ENOX1: variants seen among roughly 807,000 people sequenced by gnomAD.
ENOX1 encodes the protein ecto-NOX disulfide-thiol exchanger 1, also known as candidate growth-related and time keeping constitutive hydroquinone (NADH) oxidase.
In ENOX1, 42 loss-of-function variants were observed where a neutral mutation model predicts 82.5. That is an observed-to-expected ratio of 0.51 (90% CI 0.40 to 0.66). ENOX1 has a LOEUF of 0.66. ENOX1 is among the 30% of genes least tolerant of loss of function. ENOX1 has a pLI of 0.00. For synonymous variants in ENOX1, 271 were observed against 282.2 expected, an observed-to-expected ratio of 0.96 and a Z score of 0.40; for missense variants, 608 against 811.6, an observed-to-expected ratio of 0.75 and a Z score of 3.05.
In ENOX1 at chr13:43,511,925, A is replaced by G. The variant is rs115002934; in HGVS notation, c.-218-27773T>C. On this transcript the variant is annotated intron_variant, in intron 2 of 16. Transcript: ENST00000690772. Reference sequence around the variant, plus strand: ...AAGGCTGAGAAGTGCGTATGTGTGTATACTTATGTATATTATGTATATACA... The same window carrying G: ...AAGGCTGAGAAGTGCGTATGTGTGTGTACTTATGTATATTATGTATATACA... Among the ~76,000 whole-genome samples, 433 of 152,236 alleles carry G rather than the reference A, an allele frequency of 2.8e-3. 1 individual carries two copies. Among genetic ancestry groups the G allele is most frequent in the African/African-American group, 0.01 (418 of 41,562 alleles).
At chr13:43,420,635 C>T (rs940693693) in intron 3 of ENOX1, among the ~76,000 whole-genome samples, 4 of 152,066 alleles carry the variant, frequency 2.6e-5, no homozygotes, top group African/African-American at 9.7e-5. Context: ...TTGGTGCCCA[C>T]CCATGAAGAA....
chr13:43,406,739 T>A (rs2053824466), intron 5 of ENOX1, among the ~76,000 whole-genome samples: 1 of 152,064 alleles, frequency 6.6e-6, no homozygotes, highest in South Asian at 2.1e-4. Context: ...TTGATCCGCC[T>A]GCCTCAGCCT....
chr13:43,394,719 G>A (rs1053701573), intron 5 of ENOX1: 3 of 153,724 alleles, frequency 2.0e-5, no homozygotes, highest in African/African-American at 7.2e-5. Context: ...GGTCTCCAAA[G>A]ACAAACAGGC....
intron 5 of ENOX1, among the ~76,000 whole-genome samples, chr13:43,380,336 GTATTCTGGGTTTATGATA>G (rs1404062191): frequency 1.3e-5 from 2 of 151,574 alleles, no homozygotes; most frequent in Non-Finnish European, 3.0e-5. Context: ...TACTCACAAT[GTATTCTGGGTTTATGATA>G]TATATAGAAG....
chr13:43,287,747 C>T (rs1013039888), intron 12 of ENOX1, among the ~76,000 whole-genome samples: 1 of 152,166 alleles, frequency 6.6e-6, no homozygotes, highest in Non-Finnish European at 1.5e-5. Flanking sequence ...CATTTTTAGT[C>T]TTTGTATCTT....
intron 1 of ENOX1, among the ~76,000 whole-genome samples, chr13:43,679,406 G>GT (rs916230846): frequency 7.2e-5 from 11 of 152,084 alleles, no homozygotes; most frequent in African/African-American, 2.7e-4. Flanking sequence ...ACACACACAC[G>GT]TTTTGGTAAA....
chr13:43,274,883 T>G (rs926920321), intron 12 of ENOX1, among the ~76,000 whole-genome samples: 2 of 152,212 alleles, frequency 1.3e-5, no homozygotes, highest in Non-Finnish European at 2.9e-5. Context: ...TAATGGGTCT[T>G]TCTTTCTGAC....
chr13:43,703,862 A>G (rs116029978), intron 1 of ENOX1, among the ~76,000 whole-genome samples: 1 of 151,912 alleles, frequency 6.6e-6, no homozygotes, highest in Non-Finnish European at 1.5e-5. Context: ...TTATATATAT[A>G]TTTTTTTAAA....
chr13:43,355,879 T>C (rs1466186415), intron 8 of ENOX1, 40 bp downstream of exon 8: 2 of 1,562,600 alleles, frequency 1.3e-6, no homozygotes, highest in East Asian at 2.2e-5. Context: ...TGTCTGGGGA[T>C]CCCTGTGGAG....
chr13:43,574,525 T>C (rs551861512), intron 2 of ENOX1, among the ~76,000 whole-genome samples: 98 of 152,358 alleles, frequency 6.4e-4, no homozygotes, highest in African/African-American at 2.3e-3. Flanking sequence ...TTAGAGGACA[T>C]TAATGGAAAT....
chr13:43,371,163 T>C (rs1594191572), intron 5 of ENOX1, among the ~76,000 whole-genome samples: 1 of 152,220 alleles, frequency 6.6e-6, no homozygotes, highest in East Asian at 1.9e-4. Context: ...AAGGACTGAA[T>C]TGGCTCTTGG....
chr13:43,342,846 G>T (rs1218370484), intron 9 of ENOX1, among the ~76,000 whole-genome samples: 2 of 152,132 alleles, frequency 1.3e-5, no homozygotes, highest in South Asian at 2.1e-4. Flanking sequence ...TCAAATATGG[G>T]CCAACTTACA....
intron 2 of ENOX1, among the ~76,000 whole-genome samples, chr13:43,641,483 A>T (rs1260903411): frequency 6.6e-6 from 1 of 151,788 alleles, no homozygotes; most frequent in Non-Finnish European, 1.5e-5. Context: ...AAATCAATAC[A>T]ACTGAAATCA....
At chr13:43,580,285 A>G (rs1784915131) in intron 2 of ENOX1, among the ~76,000 whole-genome samples, 1 of 152,242 alleles carries the variant, frequency 6.6e-6, no homozygotes, top group African/African-American at 2.4e-5. Context: ...TTAGCAATTT[A>G]TGTGTACAAA....
chr13:43,276,767 G>A lies in ENOX1; in HGVS notation c.1447-7190C>T, dbSNP rs1042794452. ...CTAACAGGATTTCTGACAAAGGAGA[G>A]AGCCTGTCTCTGGGGAAGGACAATC... On this transcript the variant is annotated intron_variant, in intron 12 of 16. Coordinates refer to ENST00000690772, the MANE Select transcript of ENOX1 (RefSeq NM_001347969.2). 5.3e-5 allele frequency among the ~76,000 whole-genome samples: 8 copies of A among 152,352 alleles called. No homozygotes were observed. The South Asian group carries it at 1.7e-3, about 32-fold the overall frequency.
rs961022822 is a variant in ENOX1, at chr13:43,503,197, G to A, written c.-218-19045C>T. On this transcript the variant is annotated intron_variant, in intron 2 of 16. Transcript: ENST00000690772. The stretch of plus-strand genomic sequence containing the variant: ...TTGTACACAAAAACTGTAAAACACC[G>A]ATGAAAGAAATTAAATCACACACAA... Among the ~76,000 whole-genome samples, 19 of 151,498 alleles carry A rather than the reference G, an allele frequency of 1.3e-4. No homozygotes were observed. The East Asian group carries it at 3.3e-3, about 26-fold the overall frequency.
intron 2 of ENOX1, among the ~76,000 whole-genome samples, chr13:43,636,958 G>T (rs550985476): frequency 4.6e-5 from 7 of 152,312 alleles, no homozygotes; most frequent in Admixed American, 4.6e-4. Flanking sequence ...TCCTGTCATA[G>T]CTCACCTTGA....
chr13:43,232,854 T>A (rs998021798), intron 15 of ENOX1, among the ~76,000 whole-genome samples: 2 of 152,232 alleles, frequency 1.3e-5, no homozygotes, highest in African/African-American at 4.8e-5. Context: ...AAATCTATTG[T>A]GTTGGAATTA....
At chr13:43,609,825 T>C in intron 2 of ENOX1, 1 of 609,430 alleles carries the variant, frequency 1.6e-6, no homozygotes, top group East Asian at 1.4e-4. Context: ...TCAACACAAA[T>C]ATTTAAAAGG....
Sources: gnomAD v4.1 joint callset for allele counts (sites outside exome capture counted in the v4.1 genomes callset) on GRCh38, gnomAD v4.1.1 for gene constraint, MANE v1.5 for transcripts, NCBI Gene and HGNC (gene_info 2026-07-23, HGNC 2026-07-21) for gene names.